PCBP2: variants seen among roughly 807,000 people sequenced by gnomAD.
PCBP2 encodes poly(rC) binding protein 2.
A neutral mutation model predicts 50.1 loss-of-function variants in PCBP2; 4 were observed. That is an observed-to-expected ratio of 0.08 (90% CI 0.04 to 0.18). The LOEUF is 0.18. Among genes scored for constraint, PCBP2 ranks in the 10% least tolerant of loss-of-function variants. The pLI, the probability that PCBP2 is intolerant of heterozygous loss-of-function variation, is 1.00. For synonymous variants in PCBP2, 179 were observed against 168.0 expected, an observed-to-expected ratio of 1.07 and a Z score of -0.51; for missense variants, 161 against 474.3, an observed-to-expected ratio of 0.34 and a Z score of 6.14.
chr12:53,471,693 T>A lies in PCBP2; in HGVS notation c.938T>A (p.Met313Lys). 6.2e-7 allele frequency: 1 copy of A among 1,614,066 alleles called. No individual in the cohort carries two copies. Among genetic ancestry groups the A allele is most frequent in the Non-Finnish European group, 8.5e-7 (1 of 1,179,992 alleles). ...GCCAAAATCAATGAGATCCGTCAGA[T>A]GTCTGGGGCGCAGATCAAAATTGCG... ...QGAKINEIRQ[M>K]SGAQIKIANP... The change falls in exon 14 of 15, where the codon ATG becomes AAG. Residue 313 changes from methionine (M) to lysine (K), a missense_variant. By Grantham distance (95) the Met-to-Lys change is moderately conservative (BLOSUM62 -1). Coordinates refer to ENST00000546463, the MANE Select transcript of PCBP2 (RefSeq NM_031989.5).
At chr12:53,453,954 G>A (rs1940788371) in intron 1 of PCBP2, among the ~76,000 whole-genome samples, 1 of 152,150 alleles carries the variant, frequency 6.6e-6, no homozygotes, top group Admixed American at 6.5e-5. Flanking sequence ...GTTTTCTTTG[G>A]AAGGAAATTT....
chr12:53,455,283 A>G, intron 2 of PCBP2, 64 bp from the exon 3 acceptor site: 1 of 1,453,056 alleles, frequency 6.9e-7, no homozygotes, highest in South Asian at 1.3e-5. Flanking sequence ...GAAAAATAAA[A>G]TATATTTTTA....
intron 14 of PCBP2, chr12:53,474,776 T>G: frequency 2.9e-6 from 1 of 347,940 alleles, no homozygotes; most frequent in South Asian, 2.2e-5. Flanking sequence ...CTTACTGATA[T>G]AACTGAAGCA....
chr12:53,454,435 C>A (rs1022320127), intron 1 of PCBP2: 1 of 188,832 alleles, frequency 5.3e-6, no homozygotes, highest in Admixed American at 5.8e-5. Flanking sequence ...AAGTGGTGCA[C>A]GTTCAGCAGT....
At chr12:53,453,172 C>T (rs1334356865) in intron 1 of PCBP2, 1 of 150,884 alleles carries the variant, frequency 6.6e-6, no homozygotes, top group Non-Finnish European at 1.5e-5. Context: ...TTGTACTTTA[C>T]CTCAAGAAAT....
At position 53,464,279 on chromosome 12, in the gene PCBP2, C is replaced by T. The variant is rs142907359; in HGVS notation, c.580-481C>T. On this transcript the variant is annotated intron_variant, in intron 8 of 14. Coordinates refer to ENST00000546463, the MANE Select transcript of PCBP2 (RefSeq NM_031989.5). Reference sequence around the variant, plus strand: ...CTTTTTTTTCCACTCCCCATCACACCTCCCCCTTCATACCTCTTTGCTTCC... The same window carrying T: ...CTTTTTTTTCCACTCCCCATCACACTTCCCCCTTCATACCTCTTTGCTTCC... Among the ~76,000 whole-genome samples, 155 of 152,000 alleles carry T rather than the reference C, an allele frequency of 1.0e-3. 1 individual carries two copies. In the East Asian group the frequency reaches 0.021, roughly 21 times the overall value.
intron 5 of PCBP2, among the ~76,000 whole-genome samples, chr12:53,456,951 C>G (rs776417236): frequency 1.1e-4 from 16 of 152,160 alleles, no homozygotes; most frequent in Non-Finnish European, 1.2e-4. Context: ...CCTTTTGACC[C>G]CCGGGATTCT....
chr12:53,460,330 G>C (rs763268591), intron 6 of PCBP2: 3 of 348,804 alleles, frequency 8.6e-6, no homozygotes, highest in Non-Finnish European at 1.7e-5. Flanking sequence ...TGTTGTTGTA[G>C]AGACGAGTCT....
chr12:53,466,512 C>T (rs563956876), intron 10 of PCBP2, among the ~76,000 whole-genome samples: 44 of 152,238 alleles, frequency 2.9e-4, no homozygotes, highest in African/African-American at 7.7e-4. Context: ...TTAAAAGTGC[C>T]GGTATTTAGA....
chr12:53,472,614 TGTC>T (rs1455673896), intron 14 of PCBP2, among the ~76,000 whole-genome samples: 1 of 152,234 alleles, frequency 6.6e-6, no homozygotes, highest in Non-Finnish European at 1.5e-5. Flanking sequence ...TAGGGAATGT[TGTC>T]TAGTTATCAT....
At chr12:53,464,716 C>G (rs565119014) in intron 8 of PCBP2, 44 bp from the exon 9 acceptor site, 1 of 1,596,796 alleles carries the variant, frequency 6.3e-7, no homozygotes, top group Admixed American at 1.8e-5. Context: ...GACAAGGTGC[C>G]GGATTGACAG....
intron 14 of PCBP2, among the ~76,000 whole-genome samples, chr12:53,477,247 G>A (rs1472266218): frequency 6.6e-6 from 1 of 152,018 alleles, no homozygotes; most frequent in Non-Finnish European, 1.5e-5. Flanking sequence ...TAGATCTAAT[G>A]GTATCTAGCA....
rs1942952913 is a variant in PCBP2 at position 53,480,016 on chromosome 12, C to T, written c.*574C>T. On this transcript the variant is annotated 3_prime_UTR_variant, in exon 15 of 15. Transcript: ENST00000546463. ...TTTCCCTGACTCCATGCTTGGTTGG[C>T]CCTTATAAAACTTGTGCCCAAAAGA... 6.6e-6 allele frequency: 1 copy of T among 152,052 alleles called. No individual in the cohort carries two copies. The highest frequency in any genetic ancestry group is 2.4e-5 in the African/African-American group (1 of 41,352). The allele number at this position is 152,052 out of a possible 1,614,324, so 9.4% of individuals were successfully genotyped here.
At position 53,455,176 on chromosome 12, in the gene PCBP2, T is replaced by C. The variant is rs575567529; in HGVS notation, c.70-171T>C. Among the ~76,000 whole-genome samples the C allele has an allele frequency of 2.0e-5, 3 of 152,340 alleles. No individual in the cohort carries two copies. The South Asian group carries it at 6.2e-4, about 32-fold the overall frequency. ...CCAATAAATCTTCAAATCTTTCCAA[T>C]CTTTTGGGGTAATAATTAGCATAGA... On this transcript the variant is annotated intron_variant, in intron 2 of 14. Coordinates refer to ENST00000546463, the MANE Select transcript of PCBP2 (RefSeq NM_031989.5).
At chr12:53,465,275 C>T (rs887857975) in intron 9 of PCBP2, among the ~76,000 whole-genome samples, 1 of 151,888 alleles carries the variant, frequency 6.6e-6, no homozygotes, top group African/African-American at 2.4e-5. Flanking sequence ...AGACCCAGCT[C>T]CCTTTTTGGG....
chr12:53,475,746 T>C (rs1453923118), intron 14 of PCBP2: 1 of 152,270 alleles, frequency 6.6e-6, no homozygotes, highest in Non-Finnish European at 1.5e-5. Context: ...ATGGGCTTTT[T>C]GAATCCCAAG....
In PCBP2 at chr12:53,452,150, T is replaced by TCCCGCACGCCCGCCCTCCG. The variant is rs1940566362; in HGVS notation, c.-297_-296insACGCCCGCCCTCCGCCCGC. 1 of 51,134 alleles carries TCCCGCACGCCCGCCCTCCG rather than the reference T, an allele frequency of 2.0e-5. No homozygotes were observed. Among genetic ancestry groups the TCCCGCACGCCCGCCCTCCG allele is most frequent in the Non-Finnish European group, 3.7e-5 (1 of 27,368 alleles). 3.2% of individuals were successfully genotyped at this position (51,134 alleles called of 1,614,324 possible). A position where few individuals can be genotyped will look rare whatever the true frequency, so the allele number is the denominator to read the frequency against. On this transcript the variant is annotated 5_prime_UTR_variant, in exon 1 of 15. Transcript: ENST00000546463. ...CGGAGCAGCCGCAGCCTGCGCCCTC[T>TCCCGCACGCCCGCCCTCCG]CCCGCCCGCCCGCCCTCCGCCCGCC...
chr12:53,452,851 A>C (rs1296057404), intron 1 of PCBP2: 1 of 150,150 alleles, frequency 6.7e-6, no homozygotes, highest in African/African-American at 2.5e-5. Flanking sequence ...TTTCTAGTCG[A>C]GGGAAGGGGG....
At chr12:53,453,941 A>C (rs1940786328) in intron 1 of PCBP2, among the ~76,000 whole-genome samples, 1 of 152,184 alleles carries the variant, frequency 6.6e-6, no homozygotes, top group Non-Finnish European at 1.5e-5. Flanking sequence ...TTTTATTTTG[A>C]TTGTTTTCTT....
Sources: gnomAD v4.1 joint callset for allele counts (sites outside exome capture counted in the v4.1 genomes callset) on GRCh38, gnomAD v4.1.1 for gene constraint, MANE v1.5 for transcripts, NCBI Gene and HGNC (gene_info 2026-07-23, HGNC 2026-07-21) for gene names.